Variants in NLE1 observed in about 807,000 individuals in gnomAD.
NLE1 encodes the protein notchless protein homolog 1.
In NLE1, 37 loss-of-function variants were observed where a neutral mutation model predicts 62.8. The observed-to-expected ratio is 0.59, with a 90% CI of 0.45 to 0.78. NLE1 has a LOEUF of 0.78. NLE1 is among the 30% of genes least tolerant of loss of function. NLE1 has a pLI of 0.00. For synonymous variants in NLE1, 243 were observed against 253.0 expected (o/e 0.96, Z 0.37); for missense variants, 555 against 637.9 (o/e 0.87, Z 1.40).
chr17:35,138,000 G>T (rs1249918982), intron 4 of NLE1, 110 bp from the exon 5 acceptor site: 1 of 753,608 alleles, frequency 1.3e-6, no homozygotes, highest in Non-Finnish European at 2.2e-6. Context: ...ATAAATGAAT[G>T]ATTGAACAAA....
chr17:35,140,383 C>T (rs1448989792), intron 2 of NLE1, among the ~76,000 whole-genome samples: 1 of 151,900 alleles, frequency 6.6e-6, no homozygotes, highest in African/African-American at 2.4e-5. Flanking sequence ...CACCCATCAC[C>T]ACGCCTGGCT....
At chr17:35,132,754 G>C (rs1052936634) in intron 12 of NLE1, among the ~76,000 whole-genome samples, 6 of 152,180 alleles carry the variant, frequency 3.9e-5, no homozygotes, top group Non-Finnish European at 5.9e-5. Flanking sequence ...TGTCTGTGAA[G>C]GTTTGATAAT....
intron 3 of NLE1, 50 bp from the exon 4 acceptor site, chr17:35,139,364 C>T: frequency 7.0e-7 from 1 of 1,425,458 alleles, no homozygotes; most frequent in South Asian, 1.2e-5. Flanking sequence ...ATTTGTGCCA[C>T]CTATTCAATC....
At chr17:35,139,410 C>T in intron 3 of NLE1, 96 bp from the exon 4 acceptor site, 1 of 1,012,064 alleles carries the variant, frequency 9.9e-7, no homozygotes, top group Admixed American at 1.9e-5. Flanking sequence ...TGGACTCTTT[C>T]CTCGCCCCTG....
At chr17:35,140,719 G>A (rs2091938472) in intron 2 of NLE1, among the ~76,000 whole-genome samples, 1 of 151,302 alleles carries the variant, frequency 6.6e-6, no homozygotes, top group African/African-American at 2.4e-5. Flanking sequence ...GCCTCCCGAG[G>A]AGCTGGGACT....
At chr17:35,141,638 A>G (rs1183841007) in intron 2 of NLE1, among the ~76,000 whole-genome samples, 1 of 152,112 alleles carries the variant, frequency 6.6e-6, no homozygotes, top group African/African-American at 2.4e-5. Flanking sequence ...CAAATCTGCT[A>G]CCTACTACAT....
In NLE1 at chr17:35,129,684, T is replaced by C. The variant is rs1567741650; in HGVS notation, c.*2753A>G. On this transcript the variant is annotated 3_prime_UTR_variant, in exon 13 of 13. Coordinates refer to ENST00000442241, the MANE Select transcript of NLE1 (RefSeq NM_018096.5). ...GTGAGCCCTGGGAAAAGAGGGGCCT[T>C]GGGGGTGGAGAGAAGTCCAAAGCCA... 6 of 1,607,444 alleles carry C rather than the reference T, an allele frequency of 3.7e-6. No individual in the cohort carries two copies. The highest frequency in any genetic ancestry group is 5.1e-6 in the Non-Finnish European group (6 of 1,177,398).
intron 2 of NLE1, among the ~76,000 whole-genome samples, chr17:35,140,688 T>C (rs1281352534): frequency 1.3e-5 from 2 of 151,884 alleles, no homozygotes; most frequent in African/African-American, 4.8e-5. Context: ...CCTCCTGGGT[T>C]CAAGCAATTC....
chr17:35,137,905 G>C lies in NLE1; in HGVS notation c.461-15C>G, dbSNP rs761491100. 5.0e-6 allele frequency: 8 copies of C among 1,604,576 alleles called. No homozygotes were observed. Among genetic ancestry groups the C allele is most frequent in the Non-Finnish European group, 6.8e-6 (8 of 1,172,438 alleles). ...GTGTCTGTGTCCTAAGAAAGCAGAG[G>C]AGGGAGAAATAAGGGACTACATCTG... On this transcript the variant is annotated splice_polypyrimidine_tract_variant and intron_variant, in intron 4 of 12. Transcript: ENST00000442241.
In NLE1 at chr17:35,131,968, A is replaced by C. The variant is rs1186271845; in HGVS notation, c.*469T>G. 1 of 152,756 alleles carries C rather than the reference A, an allele frequency of 6.5e-6. No homozygotes were observed. Among genetic ancestry groups the C allele is most frequent in the Non-Finnish European group, 1.5e-5 (1 of 68,396 alleles). The allele number at this position is 152,756 out of a possible 1,614,324, so 9.5% of individuals were successfully genotyped here. On this transcript the variant is annotated 3_prime_UTR_variant, in exon 13 of 13. Transcript: ENST00000442241. ...TGCCTGGTCAGTGTGGTTTTGGCGT[A>C]GTCCAGTGCAAGGGCGGGGGCTGGA...
At chr17:35,141,140 T>C (rs904027737) in intron 2 of NLE1, among the ~76,000 whole-genome samples, 1 of 152,212 alleles carries the variant, frequency 6.6e-6, no homozygotes, top group African/African-American at 2.4e-5. Flanking sequence ...ATGTAGACTT[T>C]CTGCTTCATC....
rs776328487 is a variant in NLE1, at chr17:35,140,002, G to T, written c.227C>A (p.Thr76Lys). ...DAEIVSSLGK[T>K]LESQAVETEK... The stretch of plus-strand genomic sequence containing the variant: ...TGTCTCCACTGCCTGGGACTCCAAC[G>T]TCTTCCCCAGTGAGGAGACGATCTC... The change falls in exon 3 of 13, where the codon ACG (threonine) becomes AAG (lysine). Residue 76 changes from threonine to lysine, a missense_variant. Transcript: ENST00000442241. The T allele has an allele frequency of 2.5e-6, 4 of 1,614,096 alleles. No individual in the cohort carries two copies. Among genetic ancestry groups the T allele is most frequent in the African/African-American group, 1.3e-5 (1 of 75,054 alleles).
Position 35,142,020 on chromosome 17 carries a change from G to A in NLE1, c.121C>T (p.Pro41Ser), listed in dbSNP as rs763964441. 3.7e-6 allele frequency: 6 copies of A among 1,607,288 alleles called. No homozygotes were observed. The African/African-American group carries it at 6.7e-5, about 18-fold the overall frequency. Residue 41 changes from proline (P) to serine (S), a missense_variant, in exon 2 of 13, where the codon CCG becomes TCG. By Grantham distance (74) the Pro-to-Ser change is moderately conservative. Coordinates refer to ENST00000442241, the MANE Select transcript of NLE1 (RefSeq NM_018096.5). The stretch of plus-strand genomic sequence containing the variant: ...TTGCACACGAGCTGCAGCCTGTCCG[G>A]GGTGATGTCCACGGGCACGTCGAAC... The part of the protein sequence containing the change: ...SPFDVPVDIT[P>S]DRLQLVCNAL...
At position 35,130,287 on chromosome 17, in the gene NLE1, A is replaced by G; in HGVS notation, c.*2150T>C. The stretch of plus-strand genomic sequence containing the variant: ...GTTTTCTTGTTTCACTTCAGTTTGC[A>G]ACCCTGGCCACTGACTTCAGCAGCT... On this transcript the variant is annotated 3_prime_UTR_variant, in exon 13 of 13. Transcript: ENST00000442241. 6.2e-7 allele frequency: 1 copy of G among 1,613,626 alleles called. No individual in the cohort carries two copies. The highest frequency in any genetic ancestry group is 1.3e-5 in the African/African-American group (1 of 75,010).
rs1207939795 is a variant in NLE1, at chr17:35,141,620, T to C, written c.162+359A>G. Among the ~76,000 whole-genome samples, 6 of 151,794 alleles carry C rather than the reference T, an allele frequency of 4.0e-5. No individual in the cohort carries two copies. In the South Asian group the frequency reaches 8.3e-4, roughly 21 times the overall value. ...CATGGGTATTCGGATAGTTTTGGGT[T>C]CCAATTCCAAATCTGCTACCTACTA... is the stretch of plus-strand genomic sequence containing the variant. On this transcript the variant is annotated intron_variant, in intron 2 of 12. Coordinates refer to ENST00000442241, the MANE Select transcript of NLE1 (RefSeq NM_018096.5).
Position 35,129,668 on chromosome 17 carries a change from G to C in NLE1, c.*2769C>G, listed in dbSNP as rs2142495322. The C allele has an allele frequency of 6.2e-7, 1 of 1,611,896 alleles. No homozygotes were observed. The highest frequency in any genetic ancestry group is 1.7e-5 in the Admixed American group (1 of 59,696). ...GTGCAAGCCCTACAAAGTGAGCCCT[G>C]GGAAAAGAGGGGCCTTGGGGGTGGA... On this transcript the variant is annotated 3_prime_UTR_variant, in exon 13 of 13. Coordinates refer to ENST00000442241, the MANE Select transcript of NLE1 (RefSeq NM_018096.5).
At chr17:35,133,135 G>A in intron 12 of NLE1, 36 bp downstream of exon 12, 1 of 1,589,258 alleles carries the variant, frequency 6.3e-7, no homozygotes, top group Non-Finnish European at 8.6e-7. Context: ...GGGTAGGAGG[G>A]CTGTGTATGC....
intron 2 of NLE1, 43 bp from the exon 3 acceptor site, chr17:35,140,109 G>A (rs769084445): frequency 2.6e-5 from 41 of 1,594,110 alleles, no homozygotes; most frequent in Non-Finnish European, 3.5e-5. Context: ...CAATGGATGT[G>A]CAGGGGCACC....
At position 35,130,687 on chromosome 17, in the gene NLE1, G is replaced by C. The variant is rs568838090; in HGVS notation, c.*1750C>G. 2.0e-6 allele frequency: 1 copy of C among 501,960 alleles called. No homozygotes were observed. The highest frequency in any genetic ancestry group is 3.4e-5 in the East Asian group (1 of 29,114). The allele number at this position is 501,960 out of a possible 1,614,324, so 31.1% of individuals were successfully genotyped here. A position where few individuals can be genotyped will look rare whatever the true frequency, so the allele number is the denominator to read the frequency against. ...CTAGACTCCCTCCTCCTCCAAATCT[G>C]GGCTGGGTCTAGGTCCCTCATTAAA... On this transcript the variant is annotated 3_prime_UTR_variant, in exon 13 of 13. Coordinates refer to ENST00000442241, the MANE Select transcript of NLE1 (RefSeq NM_018096.5).
Sources: allele counts gnomAD v4.1 joint callset (sites outside exome capture counted in the v4.1 genomes callset), GRCh38; gene constraint gnomAD v4.1.1; transcripts MANE v1.5; gene names NCBI Gene and HGNC (gene_info 2026-07-23, HGNC 2026-07-21).